COL8A1: variants seen among roughly 807,000 people sequenced by gnomAD.
COL8A1 encodes the protein collagen type VIII alpha 1 chain, also known as collagen alpha-1(VIII) chain.
In COL8A1, 21 loss-of-function variants were observed where a neutral mutation model predicts 42.7. The observed-to-expected ratio is 0.49, with a 90% CI of 0.35 to 0.71. COL8A1 has a LOEUF of 0.71. COL8A1 is among the 30% of genes least tolerant of loss of function. The pLI, the probability that COL8A1 is intolerant of heterozygous loss-of-function variation, is 0.01. For missense variants in COL8A1, 788 were observed against 962.4 expected, an observed-to-expected ratio of 0.82 and a Z score of 2.40; for synonymous variants, 367 against 369.1, an observed-to-expected ratio of 0.99 and a Z score of 0.06.
intron 2 of COL8A1, among the ~76,000 whole-genome samples, chr3:99,778,260 T>C (rs1941730811): frequency 1.3e-5 from 2 of 152,108 alleles, no homozygotes; most frequent in Admixed American, 6.5e-5. Flanking sequence ...ATAACTAAGA[T>C]GGGGAGGGCC....
intron 1 of COL8A1, among the ~76,000 whole-genome samples, chr3:99,690,141 A>C (rs890200600): frequency 6.6e-6 from 1 of 152,210 alleles, no homozygotes; most frequent in Non-Finnish European, 1.5e-5. Flanking sequence ...CAGGATCTTA[A>C]TAGGCATTAC....
intron 1 of COL8A1, among the ~76,000 whole-genome samples, chr3:99,640,043 A>G (rs1310441961): frequency 6.6e-6 from 1 of 152,228 alleles, no homozygotes; most frequent in Non-Finnish European, 1.5e-5. Context: ...TAGCTTTTGC[A>G]TATCAAAAGT....
intron 1 of COL8A1, among the ~76,000 whole-genome samples, chr3:99,725,097 T>C (rs1033025762): frequency 6.6e-6 from 1 of 152,232 alleles, no homozygotes; most frequent in South Asian, 2.1e-4. Context: ...TTACTATTAC[T>C]GAAAGAGGCT....
At chr3:99,778,911 G>T (rs1482252081) in intron 2 of COL8A1, among the ~76,000 whole-genome samples, 4 of 152,168 alleles carry the variant, frequency 2.6e-5, no homozygotes, top group Non-Finnish European at 4.4e-5. Context: ...AGTGCAAAGA[G>T]AATTCCCAAA....
At chr3:99,687,908 C>A (rs2107330725) in intron 1 of COL8A1, among the ~76,000 whole-genome samples, 1 of 152,254 alleles carries the variant, frequency 6.6e-6, no homozygotes, top group South Asian at 2.1e-4. Flanking sequence ...GGATTATTAT[C>A]CCCATAAAGT....
chr3:99,679,312 A>G (rs13059876), intron 1 of COL8A1: 14,502 of 152,288 alleles, frequency 0.095, 858 homozygotes, highest in Middle Eastern at 0.12. Flanking sequence ...TGACGTTTGT[A>G]TAATAGCAAA....
At chr3:99,713,641 T>C (rs1234275848) in intron 1 of COL8A1, among the ~76,000 whole-genome samples, 1 of 152,112 alleles carries the variant, frequency 6.6e-6, no homozygotes, top group Non-Finnish European at 1.5e-5. Context: ...CAACCTCTGG[T>C]GAGCTAAGCA....
At chr3:99,711,125 T>C (rs1939822556) in intron 1 of COL8A1, among the ~76,000 whole-genome samples, 1 of 152,158 alleles carries the variant, frequency 6.6e-6, no homozygotes, top group African/African-American at 2.4e-5. Context: ...TAAATTATTT[T>C]TTTCAATTGC....
At chr3:99,765,690 C>T (rs574250881) in intron 2 of COL8A1, among the ~76,000 whole-genome samples, 1 of 152,250 alleles carries the variant, frequency 6.6e-6, no homozygotes, top group South Asian at 2.1e-4. Flanking sequence ...TCAGGGATCC[C>T]TGTAACCAGA....
At chr3:99,663,487 A>G (rs183610916) in intron 1 of COL8A1, among the ~76,000 whole-genome samples, 1 of 151,976 alleles carries the variant, frequency 6.6e-6, no homozygotes, top group Non-Finnish European at 1.5e-5. Flanking sequence ...TTTTTTTTTT[A>G]AAGGAATTCT....
intron 1 of COL8A1, among the ~76,000 whole-genome samples, chr3:99,689,737 A>G (rs1345163516): frequency 6.6e-6 from 1 of 151,156 alleles, no homozygotes; most frequent in Non-Finnish European, 1.5e-5. Context: ...AGATGCACAT[A>G]TGATACTTTG....
intron 2 of COL8A1, among the ~76,000 whole-genome samples, chr3:99,768,382 T>C (rs1159369584): frequency 6.6e-6 from 1 of 152,256 alleles, no homozygotes; most frequent in African/African-American, 2.4e-5. Context: ...AATCACTAGC[T>C]ACCAGATACT....
chr3:99,691,909 G>A (rs546976217), intron 1 of COL8A1: 2 of 152,216 alleles, frequency 1.3e-5, no homozygotes, highest in South Asian at 4.1e-4. Flanking sequence ...ATTGCCAAGT[G>A]TTAATGTTAC....
chr3:99,645,777 C>T (rs1937630398), intron 1 of COL8A1, among the ~76,000 whole-genome samples: 1 of 151,616 alleles, frequency 6.6e-6, no homozygotes, highest in African/African-American at 2.4e-5. Context: ...CTGAAATGTC[C>T]GGGCTTGTGG....
chr3:99,747,687 A>AT (rs1407585097), intron 2 of COL8A1, among the ~76,000 whole-genome samples: 1 of 152,198 alleles, frequency 6.6e-6, no homozygotes, highest in Admixed American at 6.5e-5. Flanking sequence ...TTCTGAGTAT[A>AT]TAAGTATATA....
chr3:99,701,741 G>T (rs1357400551), intron 1 of COL8A1, among the ~76,000 whole-genome samples: 1 of 152,170 alleles, frequency 6.6e-6, no homozygotes, highest in African/African-American at 2.4e-5. Flanking sequence ...AGATCTGGAA[G>T]ATCATCCTCC....
chr3:99,678,976 C>G (rs777258538), intron 1 of COL8A1: 5 of 151,998 alleles, frequency 3.3e-5, no homozygotes, highest in Non-Finnish European at 7.4e-5. Flanking sequence ...GATGATTATC[C>G]GTATAAATAT....
At chr3:99,713,354 A>G (rs1349954925) in intron 1 of COL8A1, among the ~76,000 whole-genome samples, 2 of 152,116 alleles carry the variant, frequency 1.3e-5, no homozygotes, top group Admixed American at 1.3e-4. Flanking sequence ...AAATTTTAAG[A>G]TGGAATTAGA....
At chr3:99,720,939 C>T (rs1026935024) in intron 1 of COL8A1, among the ~76,000 whole-genome samples, 2 of 152,042 alleles carry the variant, frequency 1.3e-5, no homozygotes, top group African/African-American at 4.8e-5. Context: ...CCCTTACCCT[C>T]ACTTTTCCCT....
Sources: gnomAD v4.1 joint callset for allele counts (sites outside exome capture counted in the v4.1 genomes callset) on GRCh38, gnomAD v4.1.1 for gene constraint, MANE v1.5 for transcripts, NCBI Gene and HGNC (gene_info 2026-07-23, HGNC 2026-07-21) for gene names.